SRGAP1: variants seen among roughly 807,000 people sequenced by gnomAD.
SRGAP1 encodes SLIT-ROBO Rho GTPase activating protein 1.
A neutral mutation model predicts 121.9 loss-of-function variants in SRGAP1; 43 were observed. The observed-to-expected ratio is 0.35, with a 90% CI of 0.28 to 0.46. The LOEUF is 0.46. Among genes scored for constraint, SRGAP1 ranks in the 20% least tolerant of loss-of-function variants. The probability of loss-of-function intolerance (pLI) is 1.00; values close to 1 mark genes in which losing one functional copy is unlikely to be tolerated. For missense variants in SRGAP1, 1,102 were observed against 1,350.9 expected (o/e 0.82, Z 2.89); for synonymous variants, 447 against 485.4 (o/e 0.92, Z 1.04).
chr12:63,937,117 C>T (rs930705324), intron 1 of SRGAP1, among the ~76,000 whole-genome samples: 12 of 152,146 alleles, frequency 7.9e-5, no homozygotes, highest in African/African-American at 2.9e-4. Flanking sequence ...GTGTGCTCAG[C>T]ATTTGGCACA....
chr12:64,116,046 G>A, intron 18 of SRGAP1, 153 bp downstream of exon 18: 1 of 627,666 alleles, frequency 1.6e-6, no homozygotes, highest in South Asian at 1.9e-5. Context: ...CTTGAGCCCA[G>A]GAGTTCAACA....
intron 4 of SRGAP1, among the ~76,000 whole-genome samples, chr12:64,039,220 A>G (rs1212873863): frequency 6.6e-6 from 1 of 152,254 alleles, no homozygotes; most frequent in East Asian, 1.9e-4. Flanking sequence ...GGAAAACTCA[A>G]CAAAGAAATT....
intron 8 of SRGAP1, among the ~76,000 whole-genome samples, chr12:64,074,441 G>T (rs1405434784): frequency 6.6e-6 from 1 of 152,006 alleles, no homozygotes; most frequent in Non-Finnish European, 1.5e-5. Flanking sequence ...CAATGGAAAG[G>T]TCCTTTATTA....
At chr12:64,138,446 C>CTTTTTTTTTT (rs60769104) in intron 21 of SRGAP1, among the ~76,000 whole-genome samples, 1 of 78,682 alleles carries the variant, frequency 1.3e-5, no homozygotes. Flanking sequence ...AATAAATTGA[C>CTTTTTTTTTT]TTTTTTTTTT....
chr12:63,881,666 A>G (rs747113071), intron 1 of SRGAP1, among the ~76,000 whole-genome samples: 4 of 152,316 alleles, frequency 2.6e-5, no homozygotes, highest in Middle Eastern at 3.4e-3. Context: ...ACCACTTTTT[A>G]TCATCACTTG....
chr12:63,978,608 C>T (rs547329545), intron 1 of SRGAP1, among the ~76,000 whole-genome samples: 1 of 152,276 alleles, frequency 6.6e-6, no homozygotes, highest in African/African-American at 2.4e-5. Flanking sequence ...TTAGTTGATA[C>T]ACATTTGAGC....
chr12:63,975,778 A>G (rs1195497749), intron 1 of SRGAP1, among the ~76,000 whole-genome samples: 1 of 152,158 alleles, frequency 6.6e-6, no homozygotes, highest in Non-Finnish European at 1.5e-5. Context: ...TTAAATGGAA[A>G]TCATCATTAG....
At chr12:64,052,351 C>T (rs113237894) in intron 6 of SRGAP1, among the ~76,000 whole-genome samples, 1,650 of 152,058 alleles carry the variant, frequency 0.011, 27 homozygotes, top group African/African-American at 0.037. Flanking sequence ...GTCAGAAGTT[C>T]GAGACCAGCT....
chr12:63,866,224 T>A (rs1159873967), intron 1 of SRGAP1, among the ~76,000 whole-genome samples: 1 of 152,208 alleles, frequency 6.6e-6, no homozygotes, highest in African/African-American at 2.4e-5. Context: ...CAACTGGTCA[T>A]TGTCAACTTC....
chr12:63,868,062 T>A (rs1409156621), intron 1 of SRGAP1, among the ~76,000 whole-genome samples: 1,902 of 87,416 alleles, frequency 0.022, 43 homozygotes, highest in African/African-American at 0.092. Context: ...ATATATTTTT[T>A]TTTTTTTTTT....
At chr12:63,919,523 C>CACATACAT (rs1368512706) in intron 1 of SRGAP1, among the ~76,000 whole-genome samples, 1 of 129,358 alleles carries the variant, frequency 7.7e-6, no homozygotes, top group African/African-American at 3.1e-5. Flanking sequence ...TATATATATA[C>CACATACAT]ACATACACAC....
chr12:64,009,018 A>G (rs2034174179), intron 3 of SRGAP1, among the ~76,000 whole-genome samples: 1 of 152,086 alleles, frequency 6.6e-6, no homozygotes, highest in African/African-American at 2.4e-5. Flanking sequence ...TCTCACAATT[A>G]TGGCTGTCAC....
rs1485857681 is a variant in SRGAP1 at position 64,157,241 on chromosome 12, G to C, written c.*14569G>C. ...TGACACTGTAGGAAGAGCTGAAGCA[G>C]GGCCTAAAACACTATAGTGCAAGTA... On this transcript the variant is annotated 3_prime_UTR_variant, in exon 22 of 22. Transcript: ENST00000355086. The C allele has an allele frequency of 1.3e-5, 2 of 152,216 alleles. No homozygotes were observed. Among genetic ancestry groups the C allele is most frequent in the Non-Finnish European group, 2.9e-5 (2 of 68,050 alleles). 9.4% of individuals were successfully genotyped at this position (152,216 alleles called of 1,614,324 possible). A position where few individuals can be genotyped will look rare whatever the true frequency, so the allele number is the denominator to read the frequency against.
chr12:64,070,227 A>C (rs1244090520), intron 8 of SRGAP1, among the ~76,000 whole-genome samples: 1 of 152,178 alleles, frequency 6.6e-6, no homozygotes, highest in Non-Finnish European at 1.5e-5. Context: ...CTTTCTTTCC[A>C]AACTAGCCTC....
At chr12:64,024,285 G>C (rs2034608565) in intron 4 of SRGAP1, among the ~76,000 whole-genome samples, 1 of 152,088 alleles carries the variant, frequency 6.6e-6, no homozygotes, top group African/African-American at 2.4e-5. Context: ...AATAAATTTA[G>C]CTGGGTGTGG....
chr12:64,032,345 C>T, intron 4 of SRGAP1: 1 of 345,694 alleles, frequency 2.9e-6, no homozygotes, highest in South Asian at 3.4e-5. Flanking sequence ...CCCCTCCCAC[C>T]TGGCTGTGTC....
chr12:63,883,190 A>G (rs1223659876), intron 1 of SRGAP1, among the ~76,000 whole-genome samples: 3 of 152,228 alleles, frequency 2.0e-5, no homozygotes, highest in Admixed American at 6.5e-5. Flanking sequence ...ATCATGAAAG[A>G]CTCAGCAGGG....
In SRGAP1 at chr12:64,147,881, T is replaced by G. The variant is rs529898352; in HGVS notation, c.*5209T>G. 1 of 390,484 alleles carries G rather than the reference T, an allele frequency of 2.6e-6. No homozygotes were observed. Among genetic ancestry groups the G allele is most frequent in the South Asian group, 1.4e-4 (1 of 6,958 alleles). 24.2% of individuals were successfully genotyped at this position (390,484 alleles called of 1,614,324 possible). A position where few individuals can be genotyped will look rare whatever the true frequency, so the allele number is the denominator to read the frequency against. On this transcript the variant is annotated 3_prime_UTR_variant, in exon 22 of 22. Transcript: ENST00000355086. ...GATGTGCATCTCTGTGGTGTCTTTG[T>G]TCCTTTCCTTTCATTCATCACTACT...
chr12:63,998,436 A>G (rs1181151150), intron 3 of SRGAP1, among the ~76,000 whole-genome samples: 1 of 152,148 alleles, frequency 6.6e-6, no homozygotes, highest in African/African-American at 2.4e-5. Context: ...CAGGTCAGCT[A>G]GGAGGACTGA....
Sources: gnomAD v4.1 joint callset for allele counts (sites outside exome capture counted in the v4.1 genomes callset) on GRCh38, gnomAD v4.1.1 for gene constraint, MANE v1.5 for transcripts, NCBI Gene and HGNC (gene_info 2026-07-23, HGNC 2026-07-21) for gene names.